ZBTB44: variants seen among roughly 807,000 people sequenced by gnomAD.
The protein encoded by ZBTB44 is zinc finger and BTB domain containing 44.
A neutral mutation model predicts 54.0 loss-of-function variants in ZBTB44; 15 were observed. The ratio of observed to expected loss-of-function variants is 0.28; its 90% CI spans 0.19 to 0.43. ZBTB44 has a LOEUF of 0.43. ZBTB44 is among the 20% of genes least tolerant of loss of function. ZBTB44 has a pLI of 1.00. For missense variants in ZBTB44, 487 were observed against 707.1 expected, an observed-to-expected ratio of 0.69 and a Z score of 3.53; for synonymous variants, 230 against 250.1, an observed-to-expected ratio of 0.92 and a Z score of 0.76.
intron 1 of ZBTB44, among the ~76,000 whole-genome samples, chr11:130,299,177 T>C (rs1941852461): frequency 1.3e-5 from 2 of 152,146 alleles, no homozygotes; most frequent in Non-Finnish European, 2.9e-5. Flanking sequence ...AAGTGGTATG[T>C]TCACCAAGAA....
intron 2 of ZBTB44, among the ~76,000 whole-genome samples, chr11:130,240,369 T>TA (rs1211408484): frequency 3.0e-4 from 46 of 151,544 alleles, no homozygotes; most frequent in East Asian, 1.2e-3. Flanking sequence ...GTTTGTGATT[T>TA]TAAAGAAAAA....
intron 1 of ZBTB44, among the ~76,000 whole-genome samples, chr11:130,279,891 C>A (rs1940384159): frequency 6.6e-6 from 1 of 152,154 alleles, no homozygotes; most frequent in Admixed American, 6.5e-5. Flanking sequence ...AGATTAAGAA[C>A]TATTGGTCTA....
intron 1 of ZBTB44, chr11:130,296,868 G>A: frequency 1.4e-6 from 1 of 733,572 alleles, no homozygotes; most frequent in Non-Finnish European, 2.5e-6. Flanking sequence ...TTTGCCTCAA[G>A]TTGCTCTGCC....
intron 1 of ZBTB44, among the ~76,000 whole-genome samples, chr11:130,305,394 G>A (rs2134487532): frequency 6.6e-6 from 1 of 152,214 alleles, no homozygotes; most frequent in African/African-American, 2.4e-5. Flanking sequence ...GCATGGTACT[G>A]GTATAAAAAC....
At chr11:130,260,009 AAAGAT>A (rs1938742753) in intron 2 of ZBTB44, among the ~76,000 whole-genome samples, 1 of 151,870 alleles carries the variant, frequency 6.6e-6, no homozygotes, top group Non-Finnish European at 1.5e-5. Flanking sequence ...TTCAATCTAA[AAAGAT>A]AAATAAATAA....
intron 1 of ZBTB44, among the ~76,000 whole-genome samples, chr11:130,306,939 G>C (rs2134503968): frequency 6.6e-6 from 1 of 151,720 alleles, no homozygotes; most frequent in South Asian, 2.1e-4. Flanking sequence ...ATTGGGTACA[G>C]CGTACACTGC....
At chr11:130,309,895 C>CAAAAA (rs58743892) in intron 1 of ZBTB44, among the ~76,000 whole-genome samples, 2 of 71,520 alleles carry the variant, frequency 2.8e-5, no homozygotes, top group South Asian at 4.5e-4. Flanking sequence ...GACTGCATCT[C>CAAAAA]AAAAAAAAAA....
intron 2 of ZBTB44, among the ~76,000 whole-genome samples, chr11:130,244,538 G>A (rs982037608): frequency 8.6e-5 from 13 of 151,786 alleles, no homozygotes. Context: ...GTGGTGGCGG[G>A]TGCCTGTAGT....
At chr11:130,305,436 A>C (rs562539315) in intron 1 of ZBTB44, among the ~76,000 whole-genome samples, 8 of 152,302 alleles carry the variant, frequency 5.3e-5, no homozygotes, top group African/African-American at 1.9e-4. Context: ...AGAATAGAGA[A>C]CCCCAAAATA....
At chr11:130,298,462 T>G (rs866805499) in intron 1 of ZBTB44, among the ~76,000 whole-genome samples, 4,198 of 149,402 alleles carry the variant, frequency 0.028, 129 homozygotes, top group African/African-American at 0.072. Flanking sequence ...GAAGTTTTTT[T>G]TTTTTTTTTT....
chr11:130,293,531 G>A (rs1032091263), intron 1 of ZBTB44, among the ~76,000 whole-genome samples: 2 of 148,746 alleles, frequency 1.3e-5, no homozygotes, highest in African/African-American at 5.0e-5. Context: ...TATAATCCCA[G>A]CACTTTGGGA....
intron 1 of ZBTB44, among the ~76,000 whole-genome samples, chr11:130,283,847 G>A (rs1032542583): frequency 6.6e-6 from 1 of 151,778 alleles, no homozygotes; most frequent in Non-Finnish European, 1.5e-5. Flanking sequence ...GCAGGTGCCT[G>A]CAGTCCCAGC....
intron 1 of ZBTB44, chr11:130,295,898 T>TG (rs1941613918): frequency 2.0e-6 from 3 of 1,491,980 alleles, no homozygotes; most frequent in Non-Finnish European, 2.8e-6. Flanking sequence ...ACCTATGGGT[T>TG]GATAATGGGT....
intron 1 of ZBTB44, among the ~76,000 whole-genome samples, chr11:130,263,085 C>G (rs1348015115): frequency 6.6e-6 from 1 of 152,186 alleles, no homozygotes. Flanking sequence ...ACAGACTATT[C>G]TAACTTGAGA....
intron 1 of ZBTB44, among the ~76,000 whole-genome samples, chr11:130,293,064 T>TG (rs1941400862): frequency 1.3e-5 from 2 of 152,322 alleles, no homozygotes; most frequent in South Asian, 4.1e-4. Flanking sequence ...TGAACACTAC[T>TG]GAAAGTGTTT....
chr11:130,301,849 G>C (rs1413143377), intron 1 of ZBTB44, among the ~76,000 whole-genome samples: 1 of 152,140 alleles, frequency 6.6e-6, no homozygotes. Context: ...AGGAGTTTGA[G>C]ACCAGCCAAT....
intron 1 of ZBTB44, among the ~76,000 whole-genome samples, chr11:130,314,038 A>T (rs935638410): frequency 6.6e-6 from 1 of 151,642 alleles, no homozygotes; most frequent in African/African-American, 2.4e-5. Context: ...AGGAAAAAAA[A>T]CAGGTCTGAG....
intron 1 of ZBTB44, among the ~76,000 whole-genome samples, chr11:130,266,643 A>G (rs778309264): frequency 3.4e-4 from 52 of 152,214 alleles, no homozygotes; most frequent in Non-Finnish European, 1.5e-4. Context: ...TTTGGACAAG[A>G]TTGATTCCAG....
At chr11:130,256,021 A>G (rs112426063) in intron 2 of ZBTB44, among the ~76,000 whole-genome samples, 3,300 of 152,256 alleles carry the variant, frequency 0.022, 75 homozygotes, top group African/African-American at 0.05. Context: ...GAATTCTACC[A>G]AAGGTACGAA....
Sources: allele counts gnomAD v4.1 joint callset (sites outside exome capture counted in the v4.1 genomes callset), GRCh38; gene constraint gnomAD v4.1.1; transcripts MANE v1.5; gene names NCBI Gene and HGNC (gene_info 2026-07-23, HGNC 2026-07-21).